RIMS1: variants seen among roughly 807,000 people sequenced by gnomAD.
RIMS1 encodes regulating synaptic membrane exocytosis protein 1.
In RIMS1, 83 loss-of-function variants were observed where a neutral mutation model predicts 214.1. That is an observed-to-expected ratio of 0.39 (90% CI 0.32 to 0.47). The LOEUF is 0.47. Among genes scored for constraint, RIMS1 ranks in the 20% least tolerant of loss-of-function variants. RIMS1 has a pLI of 0.99. For missense variants in RIMS1, 2,050 were observed against 2,161.8 expected (o/e 0.95, Z 1.03); for synonymous variants, 793 against 786.8 (o/e 1.01, Z -0.13).
intron 26 of RIMS1, among the ~76,000 whole-genome samples, chr6:72,294,531 C>T (rs2093839785): frequency 6.6e-6 from 1 of 151,720 alleles, no homozygotes; most frequent in Non-Finnish European, 1.5e-5. Context: ...GATACTGATA[C>T]ACCTTCTTGA....
chr6:72,123,444 T>C (rs892868919), intron 4 of RIMS1, among the ~76,000 whole-genome samples: 1 of 151,930 alleles, frequency 6.6e-6, no homozygotes, highest in Non-Finnish European at 1.5e-5. Context: ...AGAATGTATA[T>C]TCTCTTGATT....
At chr6:72,329,117 G>A (rs571079871) in intron 28 of RIMS1, among the ~76,000 whole-genome samples, 3 of 152,030 alleles carry the variant, frequency 2.0e-5, no homozygotes, top group South Asian at 2.1e-4. Context: ...GCCTCTTGAG[G>A]TTAAATCTAG....
At chr6:72,164,046 G>A (rs1348863818) in intron 4 of RIMS1, among the ~76,000 whole-genome samples, 2 of 152,164 alleles carry the variant, frequency 1.3e-5, no homozygotes, top group African/African-American at 4.8e-5. Context: ...CACCCAGTTC[G>A]AGCTTCCCGG....
At chr6:71,930,366 G>T (rs1181017635) in intron 1 of RIMS1, among the ~76,000 whole-genome samples, 1 of 151,842 alleles carries the variant, frequency 6.6e-6, no homozygotes, top group Non-Finnish European at 1.5e-5. Flanking sequence ...AAACAATAAG[G>T]TTATTATAAT....
chr6:71,943,390 C>G (rs1472937875), intron 1 of RIMS1, among the ~76,000 whole-genome samples: 2 of 152,042 alleles, frequency 1.3e-5, no homozygotes, highest in African/African-American at 2.4e-5. Context: ...CTGGATTATC[C>G]CAAACACTTT....
At chr6:72,095,320 T>A (rs542990248) in intron 2 of RIMS1, among the ~76,000 whole-genome samples, 2 of 152,216 alleles carry the variant, frequency 1.3e-5, no homozygotes, top group East Asian at 3.9e-4. Context: ...CCATTTTGCA[T>A]GATAACTTTT....
intron 2 of RIMS1, among the ~76,000 whole-genome samples, chr6:72,067,179 C>G (rs1019591918): frequency 5.9e-5 from 9 of 152,136 alleles, no homozygotes; most frequent in African/African-American, 2.2e-4. Context: ...CATGTCTCTC[C>G]CCTGATTAAA....
chr6:72,103,496 T>C (rs980113024), intron 4 of RIMS1, among the ~76,000 whole-genome samples: 13 of 152,086 alleles, frequency 8.5e-5, no homozygotes, highest in African/African-American at 3.1e-4. Context: ...ATTTTTCAAA[T>C]CAGTATTAAA....
Position 72,313,688 on chromosome 6 carries a change from T to A in RIMS1, c.4130+16T>A, listed in dbSNP as rs573469854. 1.9e-6 allele frequency: 3 copies of A among 1,598,222 alleles called. No individual in the cohort carries two copies. In the African/African-American group the frequency reaches 4.0e-5, roughly 21 times the overall value. On this transcript the variant is annotated intron_variant, in intron 28 of 33. Transcript: ENST00000521978. ...GTAGAATCAGGTGAGTTGGCAATAC[T>A]GTTTATATAAACTGGATCTTTATCT...
intron 1 of RIMS1, among the ~76,000 whole-genome samples, chr6:71,919,922 A>G (rs901473869): frequency 2.6e-5 from 4 of 152,190 alleles, no homozygotes; most frequent in African/African-American, 9.6e-5. Context: ...AACAACAAGC[A>G]CCACAACTCT....
intron 2 of RIMS1, among the ~76,000 whole-genome samples, chr6:71,995,614 C>T (rs1803192231): frequency 6.6e-6 from 1 of 151,922 alleles, no homozygotes. Flanking sequence ...GACTCAGTGG[C>T]TTAGACAACA....
At chr6:71,908,512 T>C (rs1434562833) in intron 1 of RIMS1, among the ~76,000 whole-genome samples, 2 of 152,194 alleles carry the variant, frequency 1.3e-5, no homozygotes, top group Non-Finnish European at 2.9e-5. Flanking sequence ...TGACTGCTCC[T>C]TCTTAGAGAG....
intron 2 of RIMS1, among the ~76,000 whole-genome samples, chr6:72,003,023 A>G (rs1434673002): frequency 6.6e-6 from 1 of 152,162 alleles, no homozygotes. Flanking sequence ...ATCCATTTTT[A>G]TCTTTTCTCC....
intron 4 of RIMS1, 185 bp from the exon 5 acceptor site, chr6:72,179,390 C>A (rs1490685496): frequency 3.1e-6 from 2 of 650,030 alleles, no homozygotes; most frequent in Non-Finnish European, 5.5e-6. Flanking sequence ...TAGTCTCAGA[C>A]AAGTCCCTGT....
At chr6:72,082,648 G>A (rs1331143127) in intron 2 of RIMS1, among the ~76,000 whole-genome samples, 1 of 152,146 alleles carries the variant, frequency 6.6e-6, no homozygotes, top group African/African-American at 2.4e-5. Context: ...GGGTCAAGAA[G>A]CAAGTAATAT....
At chr6:72,015,997 T>A (rs1812624820) in intron 2 of RIMS1, among the ~76,000 whole-genome samples, 1 of 152,186 alleles carries the variant, frequency 6.6e-6, no homozygotes, top group Non-Finnish European at 1.5e-5. Context: ...CTATTTTAGT[T>A]TACTGATTAT....
intron 6 of RIMS1, among the ~76,000 whole-genome samples, chr6:72,185,773 A>G (rs1227968708): frequency 1.3e-5 from 2 of 152,192 alleles, no homozygotes; most frequent in Non-Finnish European, 2.9e-5. Flanking sequence ...AGAAATTACT[A>G]TGCATTGCCA....
intron 26 of RIMS1, among the ~76,000 whole-genome samples, chr6:72,306,952 T>C (rs1390202184): frequency 6.6e-6 from 1 of 152,178 alleles, no homozygotes; most frequent in Non-Finnish European, 1.5e-5. Flanking sequence ...ATTCTTACAA[T>C]TAAATTTGGT....
chr6:72,187,794 G>A lies in RIMS1; in HGVS notation c.1678+4645G>A, dbSNP rs371236354. Among the ~76,000 whole-genome samples, 377 of 152,190 alleles carry A rather than the reference G, an allele frequency of 2.5e-3. 1 individual carries two copies. Among genetic ancestry groups the A allele is most frequent in the Middle Eastern group, 0.02 (6 of 294 alleles). ...GGTGGGAGCCATCGCGCCCAGCCCAGAAATCTCTTGATGGAGATTGATATG... is the reference window on the plus strand; with the variant it reads ...GGTGGGAGCCATCGCGCCCAGCCCAAAAATCTCTTGATGGAGATTGATATG... On this transcript the variant is annotated intron_variant, in intron 6 of 33. Transcript: ENST00000521978.
Sources: gnomAD v4.1 joint callset for allele counts (sites outside exome capture counted in the v4.1 genomes callset) on GRCh38, gnomAD v4.1.1 for gene constraint, MANE v1.5 for transcripts, NCBI Gene and HGNC (gene_info 2026-07-23, HGNC 2026-07-21) for gene names.